The following PDE1C variants were observed in gnomAD, a reference collection of about 807,000 sequenced individuals.
PDE1C encodes phosphodiesterase 1C, also known as dual specificity calcium/calmodulin-dependent 3',5'-cyclic nucleotide phosphodiesterase 1C.
In PDE1C, 62 loss-of-function variants were observed where a neutral mutation model predicts 93.1. The observed-to-expected ratio is 0.67, with a 90% confidence interval of 0.54 to 0.82. The LOEUF (loss-of-function observed/expected upper bound fraction) is 0.82, where lower values mean the gene tolerates loss of function less well. Ranked by LOEUF, PDE1C falls within the 40% of genes least tolerant of loss-of-function variation. The pLI is 0.00. For synonymous variants in PDE1C, 325 were observed against 310.1 expected, an observed-to-expected ratio of 1.05 and a Z score of -0.50; for missense variants, 742 against 884.6, an observed-to-expected ratio of 0.84 and a Z score of 2.04.
At chr7:32,109,991 T>C (rs182461243) in intron 3 of PDE1C, among the ~76,000 whole-genome samples, 1 of 152,122 alleles carries the variant, frequency 6.6e-6, no homozygotes, top group Non-Finnish European at 1.5e-5. Flanking sequence ...AACTTAGATA[T>C]ATTTGAAAGA....
At chr7:32,414,705 T>G (rs1320569613) in intron 1 of PDE1C, among the ~76,000 whole-genome samples, 1 of 152,156 alleles carries the variant, frequency 6.6e-6, no homozygotes, top group Admixed American at 6.6e-5. Context: ...TTATCGGTGC[T>G]TCCCTTGTAA....
chr7:31,659,034 CACAAGGTATCT>C, the PDE1C span, among the ~76,000 whole-genome samples: 9 of 152,152 alleles, frequency 5.9e-5, no homozygotes, highest in Non-Finnish European at 1.0e-4. Flanking sequence ...CTACCAGAGT[CACAAGGTATCT>C]ACATTTTTCT....
At chr7:31,626,282 T>C in the PDE1C span, among the ~76,000 whole-genome samples, 1 of 152,206 alleles carries the variant, frequency 6.6e-6, no homozygotes, top group South Asian at 2.1e-4. Flanking sequence ...AAATTGCTTT[T>C]TAAAATTAGG....
chr7:31,935,645 A>C (rs1389386262), intron 2 of PDE1C, among the ~76,000 whole-genome samples: 1 of 152,190 alleles, frequency 6.6e-6, no homozygotes, highest in Non-Finnish European at 1.5e-5. Context: ...TAATAAAATA[A>C]GACTCAGTCC....
At chr7:31,801,002 T>C (rs1785944848) in intron 16 of PDE1C, among the ~76,000 whole-genome samples, 2 of 150,096 alleles carry the variant, frequency 1.3e-5, no homozygotes, top group African/African-American at 4.9e-5. Context: ...GCTAAAGCAG[T>C]ACTTAAGAAA....
intron 8 of PDE1C, among the ~76,000 whole-genome samples, chr7:31,850,041 G>A (rs888512991): frequency 3.3e-5 from 5 of 152,030 alleles, no homozygotes; most frequent in East Asian, 3.9e-4. Context: ...TAATGTCTCC[G>A]ACGGGAGGTT....
chr7:31,936,592 G>A (rs1805118450), intron 2 of PDE1C, among the ~76,000 whole-genome samples: 1 of 152,066 alleles, frequency 6.6e-6, no homozygotes, highest in Non-Finnish European at 1.5e-5. Flanking sequence ...ATATCAAACA[G>A]GACATTTAGA....
chr7:31,843,398 T>C (rs930183164), intron 9 of PDE1C, among the ~76,000 whole-genome samples: 24 of 152,096 alleles, frequency 1.6e-4, no homozygotes, highest in African/African-American at 5.5e-4. Flanking sequence ...AATAGTTATT[T>C]ATGACTGATG....
chr7:31,656,490 A>G, the PDE1C span: 138 of 982,356 alleles, frequency 1.4e-4, no homozygotes, highest in South Asian at 5.6e-3. Flanking sequence ...AGAACTCAAT[A>G]AATGCTAACT....
At chr7:31,839,675 T>C (rs1220459023) in intron 9 of PDE1C, among the ~76,000 whole-genome samples, 4 of 152,214 alleles carry the variant, frequency 2.6e-5, no homozygotes, top group African/African-American at 9.6e-5. Context: ...TAGACACATA[T>C]GTTTTCATTT....
chr7:31,672,213 G>A, the PDE1C span, among the ~76,000 whole-genome samples: 1 of 152,040 alleles, frequency 6.6e-6, no homozygotes, highest in Non-Finnish European at 1.5e-5. Flanking sequence ...AAAACTGCTT[G>A]GCAAGACGGA....
intron 1 of PDE1C, among the ~76,000 whole-genome samples, chr7:32,419,983 G>T (rs1212639353): frequency 6.7e-6 from 1 of 148,818 alleles, no homozygotes; most frequent in Non-Finnish European, 1.5e-5. Flanking sequence ...CCAGCAGTTT[G>T]GGAGGTGGAG....
At chr7:31,857,654 C>A (rs546521174) in intron 7 of PDE1C, among the ~76,000 whole-genome samples, 1 of 152,216 alleles carries the variant, frequency 6.6e-6, no homozygotes, top group East Asian at 1.9e-4. Flanking sequence ...ACACAGAGGA[C>A]ACCCACACCC....
the PDE1C span, among the ~76,000 whole-genome samples, chr7:31,642,484 CCTTTT>C: frequency 3.3e-5 from 5 of 152,286 alleles, no homozygotes; most frequent in South Asian, 2.1e-4. Context: ...GCCTTCCTTT[CCTTTT>C]GACTTTTCTA....
the PDE1C span, among the ~76,000 whole-genome samples, chr7:31,624,013 C>T: frequency 6.7e-6 from 1 of 149,382 alleles, no homozygotes; most frequent in African/African-American, 2.5e-5. Context: ...AGTGAACTCC[C>T]ATTCACAATT....
chr7:31,619,196 T>C, the PDE1C span, among the ~76,000 whole-genome samples: 1 of 152,232 alleles, frequency 6.6e-6, no homozygotes, highest in Non-Finnish European at 1.5e-5. Context: ...AGGTGTCCTT[T>C]CTATGTCTAT....
intron 2 of PDE1C, among the ~76,000 whole-genome samples, chr7:31,936,236 C>T (rs1340367857): frequency 5.3e-5 from 8 of 152,086 alleles, no homozygotes; most frequent in African/African-American, 1.9e-4. Context: ...GTCCATAAAA[C>T]CTATCATGTG....
intron 2 of PDE1C, among the ~76,000 whole-genome samples, chr7:31,977,401 C>G (rs1214483449): frequency 1.3e-5 from 2 of 152,158 alleles, no homozygotes; most frequent in African/African-American, 4.8e-5. Context: ...ATAGATTACC[C>G]ATTCTGTGTA....
At chr7:31,855,677 C>A (rs1488685893) in intron 7 of PDE1C, among the ~76,000 whole-genome samples, 1 of 135,410 alleles carries the variant, frequency 7.4e-6, no homozygotes, top group African/African-American at 2.8e-5. Flanking sequence ...ATGGTAATGT[C>A]ATAAACGACC....
Sources: gnomAD v4.1 joint callset for allele counts (sites outside exome capture counted in the v4.1 genomes callset) on GRCh38, gnomAD v4.1.1 for gene constraint, MANE v1.5 for transcripts, NCBI Gene and HGNC (gene_info 2026-07-23, HGNC 2026-07-21) for gene names.